Variants in USO1 observed in about 807,000 individuals in gnomAD.
USO1 encodes general vesicular transport factor p115.
In USO1, 57 loss-of-function variants were observed where a neutral mutation model predicts 124.5. The ratio of observed to expected loss-of-function variants is 0.46; its 90% CI spans 0.37 to 0.57. The LOEUF is 0.57. Ranked by LOEUF, USO1 falls within the 20% of genes least tolerant of loss-of-function variation. The pLI, the probability that USO1 is intolerant of heterozygous loss-of-function variation, is 0.00. For missense variants in USO1, 900 were observed against 1,040.6 expected, an observed-to-expected ratio of 0.86 and a Z score of 1.86; for synonymous variants, 369 against 362.8, an observed-to-expected ratio of 1.02 and a Z score of -0.19.
intron 1 of USO1, among the ~76,000 whole-genome samples, chr4:75,736,315 T>G (rs936205917): frequency 1.4e-5 from 2 of 138,702 alleles, no homozygotes; most frequent in African/African-American, 2.7e-5. Context: ...ACCTTTTTTT[T>G]TTTTTTTTTT....
At chr4:75,744,733 T>C (rs1721072208) in intron 1 of USO1, among the ~76,000 whole-genome samples, 1 of 152,202 alleles carries the variant, frequency 6.6e-6, no homozygotes, top group South Asian at 2.1e-4. Context: ...ATCCTTTTTG[T>C]TTTTTATTAT....
chr4:75,805,324 G>C, intron 19 of USO1, 21 bp downstream of exon 19: 1 of 1,545,616 alleles, frequency 6.5e-7, no homozygotes, highest in Non-Finnish European at 8.7e-7. Context: ...TGTTTAAGAA[G>C]TTAAAATAAG....
chr4:75,757,664 A>G, intron 4 of USO1, 91 bp downstream of exon 4: 1 of 1,189,676 alleles, frequency 8.4e-7, no homozygotes, highest in South Asian at 2.5e-5. Flanking sequence ...GACTTGTTTT[A>G]TAAATGTATA....
At chr4:75,760,672 T>C (rs1721579367) in intron 4 of USO1, 1 of 396,924 alleles carries the variant, frequency 2.5e-6, no homozygotes. Flanking sequence ...AAAAGGACAC[T>C]GTCAAGTACT....
rs999096011 is a variant in USO1, at chr4:75,808,999, T to A, written c.2423T>A (p.Ile808Asn). 6.2e-7 allele frequency: 1 copy of A among 1,605,856 alleles called. No homozygotes were observed. The highest frequency in any genetic ancestry group is 1.3e-5 in the African/African-American group (1 of 74,858). The change falls in exon 21 of 24, where the codon ATC becomes AAC. Residue 808 changes from isoleucine (I) to asparagine (N), a missense_variant. Around this residue, in one of 2 missense-constraint regions of USO1, gnomAD observed 362 missense variants for 359.0 expected, o/e 1.01. Transcript: ENST00000514213. ...KSQLNSQSVE[I>N]TKLQTEKQEL... ...CAGTTAAACTCACAATCTGTGGAGA[T>A]CACCAAACTACAGACAGAAAAGCAG...
chr4:75,810,560 T>C (rs1174922895), intron 22 of USO1, 21 bp downstream of exon 22: 1 of 1,587,852 alleles, frequency 6.3e-7, no homozygotes, highest in Non-Finnish European at 8.5e-7. Context: ...GGTGCAACTT[T>C]TATTTACTGC....
Position 75,793,752 on chromosome 4 carries a change from C to T in USO1, c.1303C>T (p.Leu435Phe). ...LCGGLFSTDS[L>F]SNWCAAVALA... is the part of the protein sequence containing the mutation. ...TGGAGGTTTGTTTTCTACTGATTCA[C>T]TTTCAAACTGGTGTGCTGCTGTGGC... Residue 435 changes from leucine (L) to phenylalanine (F), a missense_variant, in exon 13 of 24, where the codon CTT (leucine) becomes TTT (phenylalanine). By Grantham distance (22) the Leu-to-Phe change is conservative. Coordinates refer to ENST00000514213, the MANE Select transcript of USO1 (RefSeq NM_003715.4). 1 of 1,613,574 alleles carries T rather than the reference C, an allele frequency of 6.2e-7. No homozygotes were observed. Among genetic ancestry groups the T allele is most frequent in the Non-Finnish European group, 8.5e-7 (1 of 1,179,712 alleles).
intron 1 of USO1, among the ~76,000 whole-genome samples, chr4:75,739,538 C>CTTTTTTTTT (rs753369609): frequency 1.7e-4 from 18 of 105,414 alleles, no homozygotes; most frequent in East Asian, 2.9e-4. Context: ...TTATCTTTTT[C>CTTTTTTTTT]TTTTTTTTTT....
At chr4:75,747,620 T>TC (rs1024250918) in intron 1 of USO1, among the ~76,000 whole-genome samples, 9 of 141,202 alleles carry the variant, frequency 6.4e-5, no homozygotes, top group Non-Finnish European at 7.7e-5. Flanking sequence ...TTTTTTTTTT[T>TC]TTTTTTTGAG....
intron 1 of USO1, among the ~76,000 whole-genome samples, chr4:75,728,361 G>A (rs891229452): frequency 6.6e-6 from 1 of 152,166 alleles, no homozygotes; most frequent in South Asian, 2.1e-4. Flanking sequence ...GGGGGCTCAC[G>A]CCTATAATCC....
chr4:75,724,706 CAGCAGT>C lies in USO1; in HGVS notation c.-111_-106del. ...GCCGCCGAGTTGGAGGCGGTGGTGGCAGCAGTAGGAGTGTGTAGAGTGCGGGATTGG... is the reference window on the plus strand; with the variant it reads ...GCCGCCGAGTTGGAGGCGGTGGTGGCAGGAGTGTGTAGAGTGCGGGATTGG... On this transcript the variant is annotated 5_prime_UTR_variant, in exon 1 of 24. The change abolishes the stop of an existing upstream ORF in the 5' untranslated region. Coordinates refer to ENST00000514213, the MANE Select transcript of USO1 (RefSeq NM_003715.4). 1 of 1,039,264 alleles carries C rather than the reference CAGCAGT, an allele frequency of 9.6e-7. No individual in the cohort carries two copies. Among genetic ancestry groups the C allele is most frequent in the South Asian group, 1.5e-5 (1 of 64,680 alleles). The allele number at this position is 1,039,264 out of a possible 1,614,324, so 64.4% of individuals were successfully genotyped here.
At chr4:75,737,658 T>C (rs945185932) in intron 1 of USO1, among the ~76,000 whole-genome samples, 1 of 152,084 alleles carries the variant, frequency 6.6e-6, no homozygotes, top group Admixed American at 6.6e-5. Flanking sequence ...ATAGTGCCAC[T>C]GCACTCCAGC....
chr4:75,751,007 A>G (rs1337470604), intron 1 of USO1, among the ~76,000 whole-genome samples: 1 of 151,768 alleles, frequency 6.6e-6, no homozygotes, highest in Non-Finnish European at 1.5e-5. Flanking sequence ...ATACCATGGT[A>G]TTTTCATATC....
chr4:75,762,048 C>T (rs550607675), intron 4 of USO1, among the ~76,000 whole-genome samples: 9 of 152,036 alleles, frequency 5.9e-5, no homozygotes, highest in African/African-American at 9.6e-5. Context: ...TTATGTAATC[C>T]TCATAGCAGC....
intron 7 of USO1, among the ~76,000 whole-genome samples, chr4:75,771,349 C>T (rs924778364): frequency 6.6e-6 from 1 of 152,274 alleles, no homozygotes; most frequent in South Asian, 2.1e-4. Flanking sequence ...ATCCTCCTGT[C>T]TTGGCCTCCC....
At chr4:75,745,319 A>C (rs759949541) in intron 1 of USO1, 20 of 519,696 alleles carry the variant, frequency 3.8e-5, no homozygotes, top group Non-Finnish European at 7.3e-5. Flanking sequence ...CTGGCTGGGC[A>C]GTTTAGTCAA....
intron 1 of USO1, among the ~76,000 whole-genome samples, chr4:75,729,170 G>C (rs557849077): frequency 9.7e-4 from 148 of 152,148 alleles, no homozygotes; most frequent in Non-Finnish European, 1.8e-3. Flanking sequence ...AGCCTCTTTA[G>C]CCTTGACACA....
rs17000869 is a variant in USO1, at chr4:75,785,040, T to C, written c.856-2022T>C. 5.9e-3 allele frequency among the ~76,000 whole-genome samples: 901 copies of C among 152,348 alleles called. 15 individuals are homozygous for C. The highest frequency in any genetic ancestry group is 0.021 in the African/African-American group (854 of 41,582). ...TCCACCTGCAATACTGAATAGTAGA[T>C]TCACTCATGACTTTACAGGCCAGGA... is the stretch of plus-strand genomic sequence containing the variant. On this transcript the variant is annotated intron_variant, in intron 9 of 23. Coordinates refer to ENST00000514213, the MANE Select transcript of USO1 (RefSeq NM_003715.4).
chr4:75,786,612 T>C (rs1050178186), intron 9 of USO1, among the ~76,000 whole-genome samples: 1 of 152,158 alleles, frequency 6.6e-6, no homozygotes, highest in Non-Finnish European at 1.5e-5. Context: ...ATCTCTCCAG[T>C]TTTGGTTTTA....
Sources: allele counts gnomAD v4.1 joint callset (sites outside exome capture counted in the v4.1 genomes callset), GRCh38; gene constraint gnomAD v4.1.1; regional missense constraint gnomAD v4.1.1; transcripts MANE v1.5; gene names NCBI Gene and HGNC (gene_info 2026-07-23, HGNC 2026-07-21).